The following TTLL5 variants were observed in gnomAD, a reference collection of about 807,000 sequenced individuals.
The protein encoded by TTLL5 is tubulin tyrosine ligase like 5, also known as tubulin polyglutamylase TTLL5.
In TTLL5, 132 loss-of-function variants were observed where a neutral mutation model predicts 168.4. That is an observed-to-expected ratio of 0.78 (90% CI 0.68 to 0.91). The LOEUF is 0.91. Ranked by LOEUF, TTLL5 falls within the 40% of genes least tolerant of loss-of-function variation. TTLL5 has a pLI of 0.00. For synonymous variants in TTLL5, 546 were observed against 558.6 expected, an observed-to-expected ratio of 0.98 and a Z score of 0.32; for missense variants, 1,545 against 1,581.5, an observed-to-expected ratio of 0.98 and a Z score of 0.39.
At chr14:75,773,961 G>GAGAA (rs1236243473) in intron 21 of TTLL5, among the ~76,000 whole-genome samples, 1,318 of 42,890 alleles carry the variant, frequency 0.031, 7 homozygotes, top group East Asian at 0.057. Context: ...GAGAGAAAGA[G>GAGAA]AGAGAGAGAG....
intron 29 of TTLL5, among the ~76,000 whole-genome samples, chr14:75,873,034 A>G (rs892475984): frequency 6.6e-6 from 1 of 151,010 alleles, no homozygotes; most frequent in Non-Finnish European, 1.5e-5. Flanking sequence ...ACAGCACAGT[A>G]TTGTTAACTA....
At chr14:75,902,434 G>A (rs1595237998) in intron 31 of TTLL5, 6 of 686,640 alleles carry the variant, frequency 8.7e-6, no homozygotes, top group Non-Finnish European at 1.6e-5. Flanking sequence ...ACTAGCTTGG[G>A]GTAAATGAAA....
At chr14:75,881,505 A>G (rs2031810051) in intron 29 of TTLL5, among the ~76,000 whole-genome samples, 1 of 152,240 alleles carries the variant, frequency 6.6e-6, no homozygotes, top group African/African-American at 2.4e-5. Context: ...GGGTTGGTGA[A>G]CATTTTACTA....
intron 28 of TTLL5, among the ~76,000 whole-genome samples, chr14:75,852,126 T>G (rs1896887111): frequency 6.6e-6 from 1 of 152,188 alleles, no homozygotes; most frequent in South Asian, 2.1e-4. Flanking sequence ...CTTCTAGTGG[T>G]AGAGCTAGGA....
At chr14:75,752,114 C>T (rs1889993818) in intron 17 of TTLL5, among the ~76,000 whole-genome samples, 1 of 152,138 alleles carries the variant, frequency 6.6e-6, no homozygotes, top group Admixed American at 6.5e-5. Flanking sequence ...TGGGTTTTAG[C>T]CAGCTTCTGT....
rs2140197703 is a variant in TTLL5 at position 75,717,873 on chromosome 14, G to A, written c.753G>A (p.Val251=). The A allele has an allele frequency of 6.2e-7, 1 of 1,613,682 alleles. No homozygotes were observed. Among genetic ancestry groups the A allele is most frequent in the Non-Finnish European group, 8.5e-7 (1 of 1,179,874 alleles). The change falls in exon 10 of 32, where the codon GTG becomes GTA. Residue 251 remains valine (V), a synonymous_variant. Coordinates refer to ENST00000298832, the MANE Select transcript of TTLL5 (RefSeq NM_015072.5). The part of the protein sequence containing the change: ...YEEGLARFAT[V]RYDQGAKNIR... ...TCCCTTCTATCAGGTTTGCAACTGT[G>A]CGATATGATCAAGGAGCCAAGAACA...
chr14:75,937,035 A>G (rs977670382), intron 31 of TTLL5, among the ~76,000 whole-genome samples: 3 of 152,234 alleles, frequency 2.0e-5, no homozygotes, highest in African/African-American at 7.2e-5. Flanking sequence ...ATAATTATTT[A>G]ACATCTTTAA....
At chr14:75,869,101 CAT>C (rs2030799991) in intron 29 of TTLL5, among the ~76,000 whole-genome samples, 1 of 149,578 alleles carries the variant, frequency 6.7e-6, no homozygotes, top group Non-Finnish European at 1.5e-5. Context: ...AACTTAATGT[CAT>C]AACCTATTGC....
intron 29 of TTLL5, among the ~76,000 whole-genome samples, chr14:75,870,490 C>T (rs866027546): frequency 2.0e-5 from 3 of 152,138 alleles, no homozygotes; most frequent in Non-Finnish European, 2.9e-5. Context: ...CCTTTACCCT[C>T]CCTTGTACTT....
At chr14:75,663,782 T>C (rs1883052552) in intron 2 of TTLL5, among the ~76,000 whole-genome samples, 1 of 152,110 alleles carries the variant, frequency 6.6e-6, no homozygotes, top group Non-Finnish European at 1.5e-5. Context: ...TACTGGATCA[T>C]CACAATAAGA....
intron 18 of TTLL5, among the ~76,000 whole-genome samples, chr14:75,761,553 G>T (rs1890651499): frequency 1.3e-5 from 2 of 152,178 alleles, no homozygotes; most frequent in African/African-American, 4.8e-5. Flanking sequence ...AATCTCAAAA[G>T]CATGCTGAGT....
intron 7 of TTLL5, among the ~76,000 whole-genome samples, chr14:75,702,859 C>A (rs977205316): frequency 5.9e-5 from 9 of 152,140 alleles, no homozygotes; most frequent in African/African-American, 2.2e-4. Context: ...AGACAGAAGC[C>A]TGGGAGGATG....
intron 29 of TTLL5, among the ~76,000 whole-genome samples, chr14:75,871,858 A>C (rs951986528): frequency 3.9e-5 from 6 of 152,248 alleles, no homozygotes; most frequent in Non-Finnish European, 5.9e-5. Flanking sequence ...ATCCTGGGCC[A>C]AACAAAACAA....
intron 26 of TTLL5, among the ~76,000 whole-genome samples, chr14:75,787,388 A>T (rs957559374): frequency 1.3e-5 from 2 of 152,210 alleles, no homozygotes; most frequent in African/African-American, 4.8e-5. Flanking sequence ...AGGCTTGAAG[A>T]TATAAAACTT....
intron 31 of TTLL5, among the ~76,000 whole-genome samples, chr14:75,953,301 G>A (rs1259145944): frequency 6.6e-6 from 1 of 152,194 alleles, no homozygotes; most frequent in African/African-American, 2.4e-5. Context: ...TCCAGAGGGA[G>A]TGTAAATTGT....
Position 75,954,760 on chromosome 14 carries a change from T to C in TTLL5, c.*314T>C. On this transcript the variant is annotated 3_prime_UTR_variant, in exon 32 of 32. Coordinates refer to ENST00000298832, the MANE Select transcript of TTLL5 (RefSeq NM_015072.5). Reference sequence around the variant, plus strand: ...CCTTTGCCCCATGCCCCCAAACTGCTTAGGTCTTCTCTGTCCCTTTACTGC... The same window carrying C: ...CCTTTGCCCCATGCCCCCAAACTGCCTAGGTCTTCTCTGTCCCTTTACTGC... 7.4e-6 allele frequency: 3 copies of C among 403,646 alleles called. No individual in the cohort carries two copies. In the South Asian group the frequency reaches 1.6e-4, roughly 21 times the overall value. The allele number at this position is 403,646 out of a possible 1,614,324, so 25.0% of individuals were successfully genotyped here. A position where few individuals can be genotyped will look rare whatever the true frequency, so the allele number is the denominator to read the frequency against.
At chr14:75,729,476 A>G (rs1220121685) in intron 12 of TTLL5, among the ~76,000 whole-genome samples, 1 of 149,166 alleles carries the variant, frequency 6.7e-6, no homozygotes, top group Non-Finnish European at 1.5e-5. Context: ...TAAGGACTCT[A>G]GTTGCCTGCC....
intron 4 of TTLL5, among the ~76,000 whole-genome samples, chr14:75,681,860 G>A (rs1488973946): frequency 1.3e-5 from 2 of 151,936 alleles, no homozygotes; most frequent in Non-Finnish European, 2.9e-5. Context: ...TACGTTCTTG[G>A]GCTTGGGCTA....
Position 75,835,463 on chromosome 14 carries a change from A to T in TTLL5, c.3326+15302A>T, listed in dbSNP as rs568746340. On this transcript the variant is annotated intron_variant, in intron 28 of 31. Transcript: ENST00000298832. ...TTTCTTCAGACTGTAGTAAACACAC[A>T]ATCTCTATTTGTCACCAGGTTGATG... The T allele has an allele frequency of 2.6e-5, 4 of 152,326 alleles. No homozygotes were observed. In the East Asian group the frequency reaches 5.8e-4, roughly 22 times the overall value. The allele number at this position is 152,326 out of a possible 1,614,324, so 9.4% of individuals were successfully genotyped here. A position where few individuals can be genotyped will look rare whatever the true frequency, so the allele number is the denominator to read the frequency against.
Sources: gnomAD v4.1 joint callset for allele counts (sites outside exome capture counted in the v4.1 genomes callset) on GRCh38, gnomAD v4.1.1 for gene constraint, MANE v1.5 for transcripts, NCBI Gene and HGNC (gene_info 2026-07-23, HGNC 2026-07-21) for gene names.